Variants in ASTN2 observed in about 807,000 individuals in gnomAD.
The protein encoded by ASTN2 is astrotactin-2.
In ASTN2, 54 loss-of-function variants were observed where a neutral mutation model predicts 139.8. The observed-to-expected ratio is 0.39, with a 90% CI of 0.31 to 0.48. The LOEUF (loss-of-function observed/expected upper bound fraction) is 0.48. ASTN2 is among the 20% of genes least tolerant of loss of function. The pLI is 0.95. For synonymous variants in ASTN2, 756 were observed against 719.5 expected (o/e 1.05, Z -0.81); for missense variants, 1,565 against 1,725.1 (o/e 0.91, Z 1.64).
intron 5 of ASTN2, among the ~76,000 whole-genome samples, chr9:117,043,628 G>T (rs1033231960): frequency 6.6e-6 from 1 of 152,058 alleles, no homozygotes; most frequent in Admixed American, 6.5e-5. Context: ...CAACATGATG[G>T]CTGGGCACAG....
chr9:116,836,211 G>T (rs1831986229), intron 11 of ASTN2, among the ~76,000 whole-genome samples: 1 of 152,000 alleles, frequency 6.6e-6, no homozygotes, highest in African/African-American at 2.4e-5. Flanking sequence ...ACACCACACT[G>T]AGTGGAAGGT....
chr9:117,340,472 C>T (rs1477869108), intron 1 of ASTN2, among the ~76,000 whole-genome samples: 4 of 151,808 alleles, frequency 2.6e-5, no homozygotes, highest in Admixed American at 2.6e-4. Flanking sequence ...ATTTTTCTGC[C>T]ACCTCTAAAG....
At chr9:117,007,033 C>T (rs1837374132) in intron 7 of ASTN2, among the ~76,000 whole-genome samples, 1 of 152,184 alleles carries the variant, frequency 6.6e-6, no homozygotes, top group Non-Finnish European at 1.5e-5. Context: ...AGGAGAATCA[C>T]TTGAACCTGG....
chr9:117,137,959 T>C (rs1373395032), intron 4 of ASTN2, among the ~76,000 whole-genome samples: 1 of 152,188 alleles, frequency 6.6e-6, no homozygotes, highest in African/African-American at 2.4e-5. Context: ...TAGAATTCTC[T>C]GGGCGTTGGT....
At chr9:117,332,012 G>A (rs2130850440) in intron 1 of ASTN2, among the ~76,000 whole-genome samples, 1 of 152,154 alleles carries the variant, frequency 6.6e-6, no homozygotes, top group East Asian at 1.9e-4. Context: ...GTCTGAAAAG[G>A]ACAGAACCCA....
chr9:116,494,087 C>T (rs1354092210), intron 19 of ASTN2, among the ~76,000 whole-genome samples: 1 of 152,134 alleles, frequency 6.6e-6, no homozygotes, highest in East Asian at 1.9e-4. Flanking sequence ...TTTGTTTCTT[C>T]TGAAACATGG....
chr9:116,547,820 C>G (rs10983232), intron 19 of ASTN2: 1 of 152,298 alleles, frequency 6.6e-6, no homozygotes, highest in Admixed American at 6.5e-5. Flanking sequence ...CAGGTCAAGG[C>G]GCCCGGTTTA....
At chr9:117,093,281 A>C (rs1472354456) in intron 5 of ASTN2, among the ~76,000 whole-genome samples, 1 of 152,114 alleles carries the variant, frequency 6.6e-6, no homozygotes, top group Non-Finnish European at 1.5e-5. Flanking sequence ...ACTCTGCCAC[A>C]ATTTCTCTCC....
At chr9:116,457,005 C>A (rs1021977080) in intron 20 of ASTN2, among the ~76,000 whole-genome samples, 2 of 152,062 alleles carry the variant, frequency 1.3e-5, no homozygotes, top group African/African-American at 4.8e-5. Context: ...AAAACAGACA[C>A]ATATATCAAC....
intron 14 of ASTN2, among the ~76,000 whole-genome samples, chr9:116,732,605 C>A (rs765001305): frequency 3.9e-5 from 6 of 152,132 alleles, no homozygotes; most frequent in Non-Finnish European, 8.8e-5. Context: ...GAGTCGAGAA[C>A]CTCACATCTT....
At chr9:117,387,036 C>T (rs937524302) in intron 1 of ASTN2, among the ~76,000 whole-genome samples, 1 of 152,160 alleles carries the variant, frequency 6.6e-6, no homozygotes, top group East Asian at 1.9e-4. Flanking sequence ...TCACAGTCTA[C>T]ACCCTGTTGA....
At chr9:117,288,443 G>T (rs1440677806) in intron 2 of ASTN2, among the ~76,000 whole-genome samples, 1 of 151,966 alleles carries the variant, frequency 6.6e-6, no homozygotes, top group South Asian at 2.1e-4. Context: ...TAGAAGATTT[G>T]GGTCTTCTCA....
intron 19 of ASTN2, among the ~76,000 whole-genome samples, chr9:116,601,879 A>T (rs549962710): frequency 6.6e-6 from 1 of 152,288 alleles, no homozygotes; most frequent in East Asian, 1.9e-4. Context: ...GACTACATTG[A>T]TTGTTATGAT....
chr9:116,533,778 G>A (rs1564349484), intron 19 of ASTN2, among the ~76,000 whole-genome samples: 1 of 152,152 alleles, frequency 6.6e-6, no homozygotes, highest in Admixed American at 6.5e-5. Flanking sequence ...TTTTATTGAA[G>A]ATTTTTGCAT....
chr9:116,933,882 TA>T (rs913399060), intron 10 of ASTN2, among the ~76,000 whole-genome samples: 21 of 149,282 alleles, frequency 1.4e-4, no homozygotes, highest in African/African-American at 5.2e-4. Context: ...GAGATAACAA[TA>T]AAAAAATTTA....
At chr9:116,826,625 A>T (rs555406735) in intron 11 of ASTN2, among the ~76,000 whole-genome samples, 1 of 152,190 alleles carries the variant, frequency 6.6e-6, no homozygotes, top group African/African-American at 2.4e-5. Flanking sequence ...CATCAGCCAC[A>T]CTACACTAGC....
chr9:116,902,836 T>A (rs1023137641), intron 10 of ASTN2, among the ~76,000 whole-genome samples: 2 of 152,204 alleles, frequency 1.3e-5, no homozygotes, highest in African/African-American at 4.8e-5. Flanking sequence ...TTCCACTGGC[T>A]TCCAGGAGTA....
chr9:116,646,586 A>T (rs1308827158), intron 17 of ASTN2, among the ~76,000 whole-genome samples: 1 of 151,824 alleles, frequency 6.6e-6, no homozygotes, highest in Non-Finnish European at 1.5e-5. Context: ...GGTCTATCCC[A>T]CTCATTCCCA....
At chr9:116,924,451 AG>A (rs1386807980) in intron 10 of ASTN2, among the ~76,000 whole-genome samples, 5 of 148,740 alleles carry the variant, frequency 3.4e-5, no homozygotes, top group Admixed American at 6.7e-5. Context: ...AAAAAAAAAA[AG>A]AATGGCTACT....
Sources: allele counts gnomAD v4.1 joint callset (sites outside exome capture counted in the v4.1 genomes callset), GRCh38; gene constraint gnomAD v4.1.1; transcripts MANE v1.5; gene names NCBI Gene and HGNC (gene_info 2026-07-23, HGNC 2026-07-21).